The following TBC1D5 variants were observed in gnomAD, a reference collection of about 807,000 sequenced individuals.
TBC1D5 encodes TBC1 domain family member 5, also known as TBC1 domain family, member 5.
A neutral mutation model predicts 100.3 loss-of-function variants in TBC1D5; 75 were observed. The observed-to-expected ratio is 0.75, with a 90% CI of 0.62 to 0.91. The LOEUF (loss-of-function observed/expected upper bound fraction) is 0.91, where lower values mean the gene tolerates loss of function less well. Among genes scored for constraint, TBC1D5 ranks in the 40% least tolerant of loss-of-function variants. The pLI is 0.00. For synonymous variants in TBC1D5, 323 were observed against 325.6 expected (o/e 0.99, Z 0.09); for missense variants, 910 against 942.4 (o/e 0.97, Z 0.45).
intron 13 of TBC1D5, among the ~76,000 whole-genome samples, chr3:17,311,076 T>C (rs896853888): frequency 2.0e-5 from 3 of 152,058 alleles, no homozygotes; most frequent in Admixed American, 6.6e-5. Flanking sequence ...AGTAAGCTTT[T>C]ATATTCTTGG....
intron 13 of TBC1D5, among the ~76,000 whole-genome samples, chr3:17,314,064 T>C (rs1368545978): frequency 1.3e-5 from 2 of 152,172 alleles, no homozygotes; most frequent in African/African-American, 2.4e-5. Context: ...TGCCCAGGCC[T>C]GATATTTGAA....
chr3:17,409,558 C>A (rs911297890), intron 4 of TBC1D5, among the ~76,000 whole-genome samples: 7 of 151,910 alleles, frequency 4.6e-5, no homozygotes, highest in Non-Finnish European at 8.8e-5. Flanking sequence ...TGGTCTCTTG[C>A]GCTAAACAGG....
chr3:17,201,228 A>G (rs1431010055), intron 18 of TBC1D5, among the ~76,000 whole-genome samples: 1 of 152,078 alleles, frequency 6.6e-6, no homozygotes, highest in African/African-American at 2.4e-5. Flanking sequence ...ACCCTCTTTC[A>G]GTGCAGAATT....
chr3:17,650,303 A>T (rs966645915), intron 1 of TBC1D5, among the ~76,000 whole-genome samples: 5 of 152,140 alleles, frequency 3.3e-5, no homozygotes, highest in Non-Finnish European at 7.4e-5. Context: ...ATAAAATAAA[A>T]TAAAAATAAA....
chr3:17,661,820 TG>T (rs957621853), intron 1 of TBC1D5, among the ~76,000 whole-genome samples: 5 of 152,126 alleles, frequency 3.3e-5, no homozygotes, highest in African/African-American at 1.2e-4. Flanking sequence ...AAAGTGTTTT[TG>T]GACACAGTTG....
intron 3 of TBC1D5, among the ~76,000 whole-genome samples, chr3:17,453,780 T>C (rs1049694661): frequency 2.6e-5 from 4 of 152,080 alleles, no homozygotes; most frequent in Non-Finnish European, 4.4e-5. Flanking sequence ...ACAATGCCAA[T>C]ATACCAAAAC....
intron 1 of TBC1D5, among the ~76,000 whole-genome samples, chr3:17,693,387 C>T (rs575012695): frequency 3.9e-5 from 6 of 152,212 alleles, no homozygotes; most frequent in African/African-American, 1.2e-4. Context: ...CCAAAAACTG[C>T]GCTTTGCTCA....
chr3:17,532,728 T>A (rs1280218662), intron 2 of TBC1D5, among the ~76,000 whole-genome samples: 4 of 150,640 alleles, frequency 2.7e-5, no homozygotes, highest in Admixed American at 1.3e-4. Context: ...CAGCAAACTA[T>A]CGCAAGGACA....
At chr3:17,260,707 C>A (rs1360744045) in intron 15 of TBC1D5, among the ~76,000 whole-genome samples, 1 of 152,084 alleles carries the variant, frequency 6.6e-6, no homozygotes, top group Non-Finnish European at 1.5e-5. Context: ...GGATCTAGAC[C>A]AGCACTGTCC....
At chr3:17,295,968 G>A (rs982145943) in intron 14 of TBC1D5, among the ~76,000 whole-genome samples, 1 of 152,150 alleles carries the variant, frequency 6.6e-6, no homozygotes, top group Admixed American at 6.5e-5. Context: ...CAGAGATCCT[G>A]AAGGGCAAAG....
intron 5 of TBC1D5, among the ~76,000 whole-genome samples, chr3:17,406,109 C>T (rs1046972369): frequency 1.3e-5 from 2 of 152,046 alleles, no homozygotes; most frequent in African/African-American, 4.8e-5. Flanking sequence ...CCTTTTCTTG[C>T]AAATCTTCAA....
intron 3 of TBC1D5, among the ~76,000 whole-genome samples, chr3:17,462,321 A>ATTTTTTTTTTTTTTTTTTTTTT (rs1188024653): frequency 7.0e-6 from 1 of 143,028 alleles, no homozygotes; most frequent in Non-Finnish European, 1.5e-5. Flanking sequence ...TTCGGACCTT[A>ATTTTTTTTTTTTTTTTTTTTTT]ATTTTTTTTT....
intron 13 of TBC1D5, among the ~76,000 whole-genome samples, chr3:17,323,356 C>G (rs1180915492): frequency 6.6e-6 from 1 of 152,094 alleles, no homozygotes; most frequent in Non-Finnish European, 1.5e-5. Flanking sequence ...CACAAATATT[C>G]TTCACAAAAT....
intron 1 of TBC1D5, among the ~76,000 whole-genome samples, chr3:17,713,201 G>C (rs923517594): frequency 5.9e-5 from 9 of 151,492 alleles, no homozygotes; most frequent in Admixed American, 2.0e-4. Flanking sequence ...AGATAAACTG[G>C]GTATCATCAA....
intron 2 of TBC1D5, among the ~76,000 whole-genome samples, chr3:17,612,247 C>A (rs1486732156): frequency 6.6e-6 from 1 of 150,462 alleles, no homozygotes; most frequent in East Asian, 2.0e-4. Flanking sequence ...CTACAGTATG[C>A]CATGATTGTG....
chr3:17,292,546 TA>T (rs1173887607), intron 14 of TBC1D5, among the ~76,000 whole-genome samples: 1 of 152,218 alleles, frequency 6.6e-6, no homozygotes, highest in Non-Finnish European at 1.5e-5. Flanking sequence ...AGAGAATACC[TA>T]AGCAGCATTT....
At chr3:17,373,758 G>A (rs774134366) in intron 12 of TBC1D5, among the ~76,000 whole-genome samples, 4 of 152,060 alleles carry the variant, frequency 2.6e-5, no homozygotes, top group Non-Finnish European at 2.9e-5. Flanking sequence ...ACAAATGGCA[G>A]TGTATTATAT....
intron 3 of TBC1D5, among the ~76,000 whole-genome samples, chr3:17,434,861 T>A (rs2094507680): frequency 1.3e-5 from 2 of 152,192 alleles, no homozygotes; most frequent in Non-Finnish European, 1.5e-5. Context: ...TTCCAAACTT[T>A]TATACTCTGC....
At chr3:17,248,767 G>T (rs924756262) in intron 16 of TBC1D5, among the ~76,000 whole-genome samples, 2 of 152,102 alleles carry the variant, frequency 1.3e-5, no homozygotes, top group African/African-American at 4.8e-5. Flanking sequence ...TTGATGCCAG[G>T]CACTGATCCT....
Sources: allele counts gnomAD v4.1 joint callset (sites outside exome capture counted in the v4.1 genomes callset), GRCh38; gene constraint gnomAD v4.1.1; transcripts MANE v1.5; gene names NCBI Gene and HGNC (gene_info 2026-07-23, HGNC 2026-07-21).